HTR3B: variants seen among roughly 807,000 people sequenced by gnomAD.
HTR3B encodes 5-hydroxytryptamine receptor 3B.
In HTR3B, 44 loss-of-function variants were observed where a neutral mutation model predicts 42.8. That is an observed-to-expected ratio of 1.03 (90% CI 0.81 to 1.32). The LOEUF (loss-of-function observed/expected upper bound fraction) is 1.32, where lower values mean the gene tolerates loss of function less well. HTR3B is among the 40% of genes most tolerant of loss of function. The probability of loss-of-function intolerance (pLI) is 0.00; values close to 1 mark genes in which losing one functional copy is unlikely to be tolerated. For missense variants in HTR3B, 527 were observed against 536.5 expected, an observed-to-expected ratio of 0.98 and a Z score of 0.17; for synonymous variants, 203 against 209.0, an observed-to-expected ratio of 0.97 and a Z score of 0.25.
At chr11:113,917,363 C>T (rs952957156) in intron 2 of HTR3B, among the ~76,000 whole-genome samples, 205 of 152,072 alleles carry the variant, frequency 1.3e-3, no homozygotes, top group African/African-American at 3.9e-3. Context: ...GAACTCCTGA[C>T]CTCAGGTGAT....
chr11:113,910,248 A>G lies in HTR3B; in HGVS notation c.213+793A>G, dbSNP rs151034367. 3.6e-3 allele frequency among the ~76,000 whole-genome samples: 553 copies of G among 152,270 alleles called. 7 individuals carry two copies. The highest frequency in any genetic ancestry group is 0.012 in the African/African-American group (491 of 41,560). Reference sequence around the variant, plus strand: ...ATGGTGGGGAGAATTTGTTTATTAAAGCATCCTTTTTCTCCTATGTCTGAA... The same window carrying G: ...ATGGTGGGGAGAATTTGTTTATTAAGGCATCCTTTTTCTCCTATGTCTGAA... On this transcript the variant is annotated intron_variant, in intron 2 of 8. Transcript: ENST00000260191.
chr11:113,939,288 A>G (rs1950115292), intron 6 of HTR3B, among the ~76,000 whole-genome samples: 2 of 152,152 alleles, frequency 1.3e-5, no homozygotes, highest in Non-Finnish European at 2.9e-5. Flanking sequence ...GCCTTCATTT[A>G]CTGTTGACAT....
At chr11:113,945,165 C>T (rs528950747) in intron 8 of HTR3B, among the ~76,000 whole-genome samples, 38 of 152,190 alleles carry the variant, frequency 2.5e-4, no homozygotes, top group Middle Eastern at 3.4e-3. Flanking sequence ...GACAGAATCT[C>T]GCTCTGTCGC....
rs1404191279 is a variant in HTR3B at position 113,945,894 on chromosome 11, TCACA to T, written c.1091-5_1091-2del. 4.4e-6 allele frequency: 7 copies of T among 1,607,808 alleles called. No individual in the cohort carries two copies. Among genetic ancestry groups the T allele is most frequent in the Non-Finnish European group, 5.1e-6 (6 of 1,174,386 alleles). On this transcript the variant is annotated splice_region_variant and splice_polypyrimidine_tract_variant and intron_variant, in intron 8 of 8. Transcript: ENST00000260191. ...GGCTCACCCAGGGTGTTTTCCTCCATCACACAGAGTCCTCGCTGTATGGAGAGCA... is the reference window on the plus strand; with the variant it reads ...GGCTCACCCAGGGTGTTTTCCTCCATCAGAGTCCTCGCTGTATGGAGAGCA...
At chr11:113,942,649 A>G (rs1396643874) in intron 6 of HTR3B, among the ~76,000 whole-genome samples, 4 of 152,208 alleles carry the variant, frequency 2.6e-5, no homozygotes, top group Non-Finnish European at 4.4e-5. Flanking sequence ...GTTGATACCC[A>G]GCCCTTAAAG....
chr11:113,902,577 G>A (rs1490335742), upstream of HTR3B, among the ~76,000 whole-genome samples: 3 of 152,130 alleles, frequency 2.0e-5, no homozygotes, highest in East Asian at 1.9e-4. Flanking sequence ...GATTACAGGC[G>A]TGAGCCACTG....
At chr11:113,928,740 A>G (rs1012673185) in intron 2 of HTR3B, among the ~76,000 whole-genome samples, 1 of 152,000 alleles carries the variant, frequency 6.6e-6, no homozygotes, top group African/African-American at 2.4e-5. Flanking sequence ...TTTCACCATG[A>G]TGGCTAAGCT....
chr11:113,939,156 G>A (rs561483051), intron 6 of HTR3B, among the ~76,000 whole-genome samples: 4 of 152,298 alleles, frequency 2.6e-5, no homozygotes, highest in African/African-American at 9.6e-5. Context: ...AATGGATGAG[G>A]TGGTTTTGGA....
chr11:113,937,974 T>G (rs780692599), intron 6 of HTR3B, among the ~76,000 whole-genome samples: 13 of 152,192 alleles, frequency 8.5e-5, no homozygotes, highest in Non-Finnish European at 1.6e-4. Context: ...TTGCCTCTCC[T>G]CTGCCTCTGG....
At position 113,933,117 on chromosome 11, in the gene HTR3B, C is replaced by A. The variant is rs373636555; in HGVS notation, c.696+24C>A. The stretch of plus-strand genomic sequence containing the variant: ...ATGTAGGTTCTTTACTACCTGTCCC[C>A]GTTGCCCGCTTCTCCCCAGCCTTTG... On this transcript the variant is annotated intron_variant, in intron 6 of 8. Transcript: ENST00000260191. 3 of 1,602,308 alleles carry A rather than the reference C, an allele frequency of 1.9e-6. No individual in the cohort carries two copies. In the African/African-American group the frequency reaches 4.0e-5, roughly 21 times the overall value.
rs1354586882 is a variant in HTR3B, at chr11:113,947,898, T to C, written c.*1761T>C. Among the ~76,000 whole-genome samples the C allele has an allele frequency of 1.3e-5, 2 of 152,160 alleles. No individual in the cohort carries two copies. Among genetic ancestry groups the C allele is most frequent in the African/African-American group, 4.8e-5 (2 of 41,418 alleles). On this transcript the variant is annotated 3_prime_UTR_variant, in exon 9 of 9. Transcript: ENST00000260191. ...AGACCTGCTGACAGTCTTAACGCTG[T>C]CAGTAGAAGACACAAAAGTCCAAAA...
intron 2 of HTR3B, among the ~76,000 whole-genome samples, chr11:113,917,598 A>G (rs888639434): frequency 1.3e-5 from 2 of 151,486 alleles, no homozygotes; most frequent in Non-Finnish European, 2.9e-5. Flanking sequence ...ATTTAGACTT[A>G]TATTTTTCTT....
chr11:113,938,565 A>G (rs1950109404), intron 6 of HTR3B, among the ~76,000 whole-genome samples: 1 of 152,260 alleles, frequency 6.6e-6, no homozygotes, highest in South Asian at 2.1e-4. Context: ...TAACTTCAGT[A>G]TTTAGGATAG....
At position 113,942,396 on chromosome 11, in the gene HTR3B, GGA is replaced by G. The variant is rs1461885429; in HGVS notation, c.697-584_697-583del. Among the ~76,000 whole-genome samples the G allele has an allele frequency of 2.0e-5, 3 of 152,286 alleles. No individual in the cohort carries two copies. The East Asian group carries it at 5.8e-4, about 29-fold the overall frequency. ...GGAGAATTGCTTGAGCCTGGGAGGT[GGA>G]GGTTGAGCTGAGATCGCGCCATTGC... On this transcript the variant is annotated intron_variant, in intron 6 of 8. Transcript: ENST00000260191.
At chr11:113,934,684 G>T (rs1283463425) in intron 6 of HTR3B, among the ~76,000 whole-genome samples, 1 of 151,550 alleles carries the variant, frequency 6.6e-6, no homozygotes, top group African/African-American at 2.4e-5. Context: ...AATCCTGCTT[G>T]GTTTTAAGCA....
At chr11:113,902,289 T>G (rs148264132), upstream of HTR3B, among the ~76,000 whole-genome samples, 305 of 152,220 alleles carry the variant, frequency 2.0e-3, 1 homozygote, top group Non-Finnish European at 1.3e-3. Flanking sequence ...GCCCTGTTTT[T>G]GTTTTTTGTT....
At chr11:113,906,364 G>T (rs1949733948) in intron 1 of HTR3B, among the ~76,000 whole-genome samples, 1 of 152,164 alleles carries the variant, frequency 6.6e-6, no homozygotes, top group Non-Finnish European at 1.5e-5. Flanking sequence ...GCTAATTCCT[G>T]CTTCACCACT....
rs924177157 is a variant in HTR3B, at chr11:113,947,003, C to T, written c.*866C>T. On this transcript the variant is annotated 3_prime_UTR_variant, in exon 9 of 9. Transcript: ENST00000260191. ...AAATTCCTGCCATATCCCTCACCTT[C>T]TGAGGCTCTTGTTACCACTTCCCAG... Among the ~76,000 whole-genome samples the T allele has an allele frequency of 6.6e-6, 1 of 152,232 alleles. No individual in the cohort carries two copies. Among genetic ancestry groups the T allele is most frequent in the Admixed American group, 6.5e-5 (1 of 15,288 alleles).
Position 113,904,897 on chromosome 11 carries a change from C to G in HTR3B, c.-37C>G, listed in dbSNP as rs1049206873. ...ATTGAGCGGCATTCCATCTGGTAGG[C>G]AAGTTTGCATTTCTCCTTTTTGGGA... On this transcript the variant is annotated 5_prime_UTR_variant, in exon 1 of 9. Coordinates refer to ENST00000260191, the MANE Select transcript of HTR3B (RefSeq NM_006028.5). 4.5e-6 allele frequency: 7 copies of G among 1,568,830 alleles called. No homozygotes were observed. The highest frequency in any genetic ancestry group is 1.7e-5 in the Admixed American group (1 of 59,894).
Sources: allele counts gnomAD v4.1 joint callset (sites outside exome capture counted in the v4.1 genomes callset), GRCh38; gene constraint gnomAD v4.1.1; transcripts MANE v1.5; gene names NCBI Gene and HGNC (gene_info 2026-07-23, HGNC 2026-07-21).